Variants in PLAGL1 observed in about 807,000 individuals in gnomAD.
PLAGL1 encodes PLAG1 like zinc finger 1.
Under a neutral mutation model 4.6 loss-of-function variants are expected in PLAGL1, and 1 was observed. The ratio of observed to expected loss-of-function variants is 0.22; its 90% CI spans 0.08 to 1.03. The LOEUF (loss-of-function observed/expected upper bound fraction) is 1.03. PLAGL1 is among the 50% of genes least tolerant of loss of function. The pLI is 0.58. For missense variants in PLAGL1, 464 were observed against 570.4 expected, an observed-to-expected ratio of 0.81 and a Z score of 1.90; for synonymous variants, 240 against 237.8, an observed-to-expected ratio of 1.01 and a Z score of -0.08.
intron 2 of PLAGL1, among the ~76,000 whole-genome samples, chr6:143,976,421 T>C (rs1786569298): frequency 6.6e-6 from 1 of 151,846 alleles, no homozygotes; most frequent in Non-Finnish European, 1.5e-5. Flanking sequence ...GGCCTTGATA[T>C]TAAAGAGGCA....
In PLAGL1 at chr6:143,953,207, A is replaced by T. The variant is rs562876093; in HGVS notation, c.-324-4747T>A. On this transcript the variant is annotated intron_variant, in intron 6 of 7. Transcript: ENST00000674357. This position sits in a 1 kb window ranked among gnomAD's most constrained non-coding sequence, Gnocchi z 5.3. ...ACTCAATGGCCCAGTAGAGATCTCC[A>T]CCTTAATATGTTTGAAGAGCTTTCA... 4.6e-5 allele frequency among the ~76,000 whole-genome samples: 7 copies of T among 152,140 alleles called. No individual in the cohort carries two copies. Among genetic ancestry groups the T allele is most frequent in the Non-Finnish European group, 8.8e-5 (6 of 68,024 alleles).
intron 1 of PLAGL1, among the ~76,000 whole-genome samples, chr6:143,988,186 T>C (rs752910586): frequency 1.3e-5 from 2 of 152,258 alleles, no homozygotes; most frequent in Non-Finnish European, 2.9e-5. Flanking sequence ...CGGTATGACC[T>C]GTATGGTTCC....
intron 1 of PLAGL1, chr6:144,037,346 C>G (rs75547109): frequency 0.14 from 20,064 of 148,592 alleles, 1,582 homozygotes; most frequent in Admixed American, 0.24. Context: ...GGGAGGCCAA[C>G]GTGGGACAAT....
At chr6:144,054,963 A>C (rs1798861658) in intron 1 of PLAGL1, among the ~76,000 whole-genome samples, 2 of 152,190 alleles carry the variant, frequency 1.3e-5, no homozygotes, top group African/African-American at 4.8e-5. Flanking sequence ...TGTACTTAAC[A>C]CAGGTCAGTG....
chr6:144,039,464 T>C lies in PLAGL1; in HGVS notation c.-151+25004A>G, dbSNP rs550474376. On this transcript the variant is annotated intron_variant, in intron 1 of 3. Transcript: ENST00000437412. The surrounding 1 kb of genome is among the most constrained non-coding windows in gnomAD (Gnocchi z 4.1). ...AGCTGGGCATGTTGGCACATGCTTG[T>C]AATCCCAGCTACTCAAGAGGCTGAG... 1.3e-5 allele frequency among the ~76,000 whole-genome samples: 2 copies of C among 152,256 alleles called. No homozygotes were observed. Among genetic ancestry groups the C allele is most frequent in the African/African-American group, 4.8e-5 (2 of 41,536 alleles).
At position 143,957,262 on chromosome 6, in the gene PLAGL1, G is replaced by A. The variant is rs1370862894; in HGVS notation, c.-325+3207C>T. On this transcript the variant is annotated intron_variant, in intron 6 of 7. Coordinates refer to ENST00000674357, the MANE Select transcript of PLAGL1 (RefSeq NM_001317162.2). The surrounding 1 kb of genome is among the most constrained non-coding windows in gnomAD (Gnocchi z 4.2). ...CTGAGATGGGACTGCCTTGTTTGAA[G>A]AGGACTATTTATGAATGAAGACTCT... is the stretch of plus-strand genomic sequence containing the variant. Among the ~76,000 whole-genome samples, 2 of 152,148 alleles carry A rather than the reference G, an allele frequency of 1.3e-5. No individual in the cohort carries two copies. The highest frequency in any genetic ancestry group is 4.8e-5 in the African/African-American group (2 of 41,424).
chr6:144,016,110 GTATA>G lies in PLAGL1; in HGVS notation c.-150-47136_-150-47133del. Among the ~76,000 whole-genome samples, 1 of 150,780 alleles carries G rather than the reference GTATA, an allele frequency of 6.6e-6. No individual in the cohort carries two copies. The highest frequency in any genetic ancestry group is 1.5e-5 in the Non-Finnish European group (1 of 67,630). ...GAACTAATAAGAGATATACATATGT[GTATA>G]TATATATATACACACACATATACAT... On this transcript the variant is annotated intron_variant, in intron 1 of 3. Transcript: ENST00000437412. The surrounding 1 kb of genome is among the most constrained non-coding windows in gnomAD (Gnocchi z 4.2).
At position 143,942,746 on chromosome 6, in the gene PLAGL1, G is replaced by A. The variant is rs775423185; in HGVS notation, c.153-83C>T. On this transcript the variant is annotated intron_variant, in intron 7 of 7. Transcript: ENST00000674357. This position sits in a 1 kb window ranked among gnomAD's most constrained non-coding sequence, Gnocchi z 7.6. ...TGTAGCAACAATATTATATCAAAAT[G>A]TTAATAGTTTTCTCTGGGTCTTGGT... 2.0e-6 allele frequency: 2 copies of A among 986,528 alleles called. No individual in the cohort carries two copies. Among genetic ancestry groups the A allele is most frequent in the Non-Finnish European group, 3.0e-6 (2 of 676,690 alleles). 61.1% of individuals were successfully genotyped at this position (986,528 alleles called of 1,614,324 possible). A position where few individuals can be genotyped will look rare whatever the true frequency, so the allele number is the denominator to read the frequency against.
In PLAGL1 at chr6:144,026,173, G is replaced by A. The variant is rs547740420; in HGVS notation, c.-151+38295C>T. The stretch of plus-strand genomic sequence containing the variant: ...ATATAATAAAAGATTAGGTTGTTTC[G>A]TGTATGTGTGTGTGTCCTGGATTAT... On this transcript the variant is annotated intron_variant, in intron 1 of 3. Transcript: ENST00000437412. Among the ~76,000 whole-genome samples, 22 of 152,208 alleles carry A rather than the reference G, an allele frequency of 1.4e-4. No individual in the cohort carries two copies. The East Asian group carries it at 3.9e-3, about 27-fold the overall frequency.
Position 143,973,820 on chromosome 6 carries a change from G to A in PLAGL1, c.-543-4842C>T, listed in dbSNP as rs1785898603. On this transcript the variant is annotated intron_variant, in intron 2 of 7. Transcript: ENST00000674357. The surrounding 1 kb of genome is among the most constrained non-coding windows in gnomAD (Gnocchi z 6.2). ...GTTTCTAGGGTTACCTTAGTAAGGG[G>A]TGATCTCCAGAGCTGCAGTTTCTAG... Among the ~76,000 whole-genome samples, 3 of 152,202 alleles carry A rather than the reference G, an allele frequency of 2.0e-5. No homozygotes were observed. Among genetic ancestry groups the A allele is most frequent in the African/African-American group, 7.2e-5 (3 of 41,454 alleles).
At chr6:143,999,714 A>C (rs564533983) in intron 1 of PLAGL1, among the ~76,000 whole-genome samples, 1 of 152,368 alleles carries the variant, frequency 6.6e-6, no homozygotes, top group African/African-American at 2.4e-5. Flanking sequence ...GAAAAAATTA[A>C]AACAGTAAAT....
At position 143,975,856 on chromosome 6, in the gene PLAGL1, A is replaced by C. The variant is rs909300505; in HGVS notation, c.-543-6878T>G. On this transcript the variant is annotated intron_variant, in intron 2 of 7. Transcript: ENST00000674357. The surrounding 1 kb of genome is among the most constrained non-coding windows in gnomAD (Gnocchi z 5.8). ...TGCCACTTAGCCATTTCGAGTAGAA[A>C]TGTATTGGTAAAAGAAGAAATTCAC... is the stretch of plus-strand genomic sequence containing the variant. Among the ~76,000 whole-genome samples the C allele has an allele frequency of 6.6e-6, 1 of 152,234 alleles. No individual in the cohort carries two copies. The highest frequency in any genetic ancestry group is 1.5e-5 in the Non-Finnish European group (1 of 68,048).
Position 143,942,240 on chromosome 6 carries a change from T to C in PLAGL1, c.576A>G (p.Arg192=). 3 of 1,613,940 alleles carry C rather than the reference T, an allele frequency of 1.9e-6. No individual in the cohort carries two copies. Among genetic ancestry groups the C allele is most frequent in the African/African-American group, 1.3e-5 (1 of 74,966 alleles). The change falls in exon 8 of 8, where the codon AGA becomes AGG. Residue 192 remains arginine (R), a synonymous_variant. Transcript: ENST00000674357. The surrounding 1 kb of genome is among the most constrained non-coding windows in gnomAD (Gnocchi z 7.6). ...KDFLCQFCAQ[R]FGRKDHLTRH... ...GGGTGAGGTGATCCTTGCGCCCAAA[T>C]CTCTGGGCACAGAACTGGCACAGGA...
In PLAGL1 at chr6:143,957,334, C is replaced by A. The variant is rs1299529247; in HGVS notation, c.-325+3135G>T. Among the ~76,000 whole-genome samples, 1 of 152,150 alleles carries A rather than the reference C, an allele frequency of 6.6e-6. No homozygotes were observed. The highest frequency in any genetic ancestry group is 6.5e-5 in the Admixed American group (1 of 15,286). On this transcript the variant is annotated intron_variant, in intron 6 of 7. Transcript: ENST00000674357. The surrounding 1 kb of genome is among the most constrained non-coding windows in gnomAD (Gnocchi z 4.2). Reference sequence around the variant, plus strand: ...AGGGGTGGAGAGCAACTCCCAAAATCCAGACAAGAGCCTTTGGTATTAGGG... The same window carrying A: ...AGGGGTGGAGAGCAACTCCCAAAATACAGACAAGAGCCTTTGGTATTAGGG...
intron 1 of PLAGL1, among the ~76,000 whole-genome samples, chr6:144,035,871 C>T (rs1797195595): frequency 6.6e-6 from 1 of 152,118 alleles, no homozygotes; most frequent in Admixed American, 6.5e-5. Context: ...ATTTCTGGCA[C>T]TACTAGAGGC....
intron 7 of PLAGL1, among the ~76,000 whole-genome samples, chr6:143,944,473 A>T (rs2268440): frequency 5.9e-5 from 9 of 151,974 alleles, no homozygotes; most frequent in Non-Finnish European, 1.3e-4. Flanking sequence ...AAAACAAAAA[A>T]GGCCTGCTGT....
chr6:144,013,383 T>C (rs1444783890), upstream of PLAGL1, among the ~76,000 whole-genome samples: 5 of 152,272 alleles, frequency 3.3e-5, no homozygotes, highest in African/African-American at 9.6e-5. The surrounding 1 kb of genome is among the most constrained non-coding windows in gnomAD (Gnocchi z 4.4). Flanking sequence ...TTATTTTCAA[T>C]TGATGCAAAA....
chr6:143,997,684 T>C lies in PLAGL1; in HGVS notation c.-584+10406A>G, dbSNP rs1277713219. ...CTGGGTGGCAGAGTGAGATACCATC[T>C]TGGGGCGGAGGGGGCTGGCGGGGAA... On this transcript the variant is annotated intron_variant, in intron 1 of 7. Coordinates refer to ENST00000674357, the MANE Select transcript of PLAGL1 (RefSeq NM_001317162.2). The surrounding 1 kb of genome is among the most constrained non-coding windows in gnomAD (Gnocchi z 4.6). 6.6e-6 allele frequency among the ~76,000 whole-genome samples: 1 copy of C among 152,076 alleles called. No homozygotes were observed. Among genetic ancestry groups the C allele is most frequent in the Non-Finnish European group, 1.5e-5 (1 of 68,014 alleles).
rs1298145421 is a variant in PLAGL1, at chr6:143,978,054, A to G, written c.-544+7081T>C. ...ACCTCTTTCATTCCTAATATTGGCA[A>G]TTGGTGTACTCATTTTTCCTTGGTT... On this transcript the variant is annotated intron_variant, in intron 2 of 7. Transcript: ENST00000674357. The surrounding 1 kb of genome is among the most constrained non-coding windows in gnomAD (Gnocchi z 4.6). Among the ~76,000 whole-genome samples, 1 of 152,162 alleles carries G rather than the reference A, an allele frequency of 6.6e-6. No homozygotes were observed. Among genetic ancestry groups the G allele is most frequent in the Non-Finnish European group, 1.5e-5 (1 of 68,030 alleles).
Sources: gnomAD v4.1 joint callset for allele counts (sites outside exome capture counted in the v4.1 genomes callset) on GRCh38, gnomAD v4.1.1 for gene constraint, Gnocchi (gnomAD v3.1) non-coding constraint, MANE v1.5 for transcripts, NCBI Gene and HGNC (gene_info 2026-07-23, HGNC 2026-07-21) for gene names.